TEX14: variants seen among roughly 807,000 people sequenced by gnomAD.
The protein encoded by TEX14 is testis expressed 14, intercellular bridge forming factor, also known as inactive serine/threonine-protein kinase TEX14.
In TEX14, 168 loss-of-function variants were observed where a neutral mutation model predicts 178.6. The observed-to-expected ratio is 0.94, with a 90% confidence interval of 0.83 to 1.07. TEX14 has a LOEUF of 1.07. Among genes scored for constraint, TEX14 ranks in the 50% least tolerant of loss-of-function variants. The probability of loss-of-function intolerance (pLI) is 0.00; values close to 1 mark genes in which losing one functional copy is unlikely to be tolerated. For missense variants in TEX14, 1,730 were observed against 1,753.6 expected (o/e 0.99, Z 0.24); for synonymous variants, 626 against 634.1 (o/e 0.99, Z 0.19).
chr17:58,668,567 T>C (rs1362785788), intron 1 of TEX14, among the ~76,000 whole-genome samples: 1 of 152,186 alleles, frequency 6.6e-6, no homozygotes, highest in Non-Finnish European at 1.5e-5. Flanking sequence ...CACTCAACAA[T>C]TCTACAGAGT....
At chr17:58,646,159 A>G (rs2046702356) in intron 2 of TEX14, among the ~76,000 whole-genome samples, 1 of 152,246 alleles carries the variant, frequency 6.6e-6, no homozygotes, top group African/African-American at 2.4e-5. Flanking sequence ...CACTGAAAAA[A>G]CAATGTAAAG....
intron 3 of TEX14, among the ~76,000 whole-genome samples, chr17:58,627,913 CTTTTTTT>C (rs1172697593): frequency 1.3e-5 from 1 of 75,674 alleles, no homozygotes; most frequent in African/African-American, 5.4e-5. Context: ...CCCATGCCAC[CTTTTTTT>C]TTTTTTTTTT....
chr17:58,660,920 C>G (rs1306648052), intron 1 of TEX14: 1 of 897,694 alleles, frequency 1.1e-6, no homozygotes, highest in Non-Finnish European at 1.9e-6. Context: ...GGATGCCTCT[C>G]TTGAAGAGTC....
chr17:58,587,635 AG>A lies in TEX14; in HGVS notation c.2733del (p.Tyr912IlefsTer15). 3 of 1,606,842 alleles carry A rather than the reference AG, an allele frequency of 1.9e-6. No homozygotes were observed. The highest frequency in any genetic ancestry group is 2.5e-6 in the Non-Finnish European group (3 of 1,177,848). ...RMSVEPVSSE[I>X]YNAESRNKDD... ...TCTTTATTTCTGGACTCTGCATTAT[AG>A]ATTTCAGAAGAAACAGGTTCCACAC... On this transcript the variant is annotated frameshift_variant, in exon 17 of 32. Coordinates refer to ENST00000349033, the MANE Select transcript of TEX14 (RefSeq NM_031272.5). LOFTEE classifies it high-confidence loss of function.
intron 6 of TEX14, among the ~76,000 whole-genome samples, chr17:58,616,617 C>T (rs546001838): frequency 1.3e-4 from 20 of 151,872 alleles, no homozygotes; most frequent in Admixed American, 2.6e-4. Flanking sequence ...TAAATAGAGA[C>T]GGGCTTTTGC....
intron 15 of TEX14, among the ~76,000 whole-genome samples, chr17:58,592,699 C>T (rs965526131): frequency 4.6e-5 from 7 of 151,576 alleles, no homozygotes; most frequent in South Asian, 4.2e-4. Context: ...CCACCACGCC[C>T]GGCTAATTTA....
intron 1 of TEX14, 88 bp from the exon 2 acceptor site, chr17:58,652,090 C>A: frequency 1.0e-6 from 1 of 996,560 alleles, no homozygotes; most frequent in Middle Eastern, 2.2e-4. Context: ...GAAACCTGTC[C>A]AGCCACCTTC....
At chr17:58,689,068 C>G (rs1281112461) in intron 1 of TEX14, among the ~76,000 whole-genome samples, 1 of 151,874 alleles carries the variant, frequency 6.6e-6, no homozygotes, top group Admixed American at 6.6e-5. Context: ...GTAGCTGGGA[C>G]TACAGGTGCC....
intron 21 of TEX14, among the ~76,000 whole-genome samples, chr17:58,574,702 G>C (rs918959646): frequency 2.7e-5 from 2 of 73,800 alleles, no homozygotes; most frequent in African/African-American, 5.6e-5. Context: ...AAAAAAAAAA[G>C]TGTGAGTTCT....
rs1347097808 is a variant in TEX14, at chr17:58,640,649, G to GAA, written c.137-10096_137-10095insTT. Among the ~76,000 whole-genome samples the GAA allele has an allele frequency of 6.6e-5, 10 of 151,938 alleles. 1 individual carries two copies. The highest frequency in any genetic ancestry group is 1.7e-4 in the African/African-American group (7 of 41,376). On this transcript the variant is annotated intron_variant, in intron 2 of 31. Transcript: ENST00000349033. Reference sequence around the variant, plus strand: ...TGTGTGTGTGTGTGTGTGTGTGAGAGAGAGAGAGAGAATGATAAATAATGA... The same window carrying GAA: ...TGTGTGTGTGTGTGTGTGTGTGAGAGAAAGAGAGAGAGAATGATAAATAATGA...
intron 9 of TEX14, 51 bp downstream of exon 9, chr17:58,613,370 G>A (rs750957082): frequency 1.2e-6 from 2 of 1,611,290 alleles, no homozygotes; most frequent in South Asian, 2.2e-5. Flanking sequence ...GGGTGAGGAG[G>A]GAAGAAACTG....
At chr17:58,661,145 G>C in intron 1 of TEX14, 1 of 831,568 alleles carries the variant, frequency 1.2e-6, no homozygotes, top group East Asian at 2.4e-5. Flanking sequence ...AGATGCCATA[G>C]CAACGAGGCT....
rs781119746 is a variant in TEX14 at position 58,617,617 on chromosome 17, T to C, written c.557A>G (p.Asn186Ser). 26 of 1,608,656 alleles carry C rather than the reference T, an allele frequency of 1.6e-5. No individual in the cohort carries two copies. In the South Asian group the frequency reaches 2.5e-4, roughly 16 times the overall value. Residue 186 changes from asparagine to serine, a missense_variant and splice_region_variant, in exon 6 of 32, where the codon AAC (asparagine) becomes AGC (serine). Around this residue, in one of 2 missense-constraint regions of TEX14, gnomAD observed 789 missense variants for 681.2 expected, o/e 1.16. Coordinates refer to ENST00000349033, the MANE Select transcript of TEX14 (RefSeq NM_031272.5). ...PSWCGGLVQG[N>S]PNGSPNRLLK... ...CAGTCGGTTAGGAGAGCCATTAGGG[T>C]TTCTAGAAATATTTAAAACAGGAAA...
At chr17:58,629,039 C>T (rs1006425029) in intron 3 of TEX14, among the ~76,000 whole-genome samples, 10 of 152,188 alleles carry the variant, frequency 6.6e-5, no homozygotes, top group African/African-American at 2.4e-4. Flanking sequence ...GTGCCCAAAA[C>T]CCCAGTTTCT....
chr17:58,682,619 C>G (rs1322268541), intron 1 of TEX14, among the ~76,000 whole-genome samples: 3 of 152,088 alleles, frequency 2.0e-5, no homozygotes, highest in Non-Finnish European at 4.4e-5. Context: ...ATTTACAGGC[C>G]CACCTCAGCT....
At chr17:58,640,316 A>AG (rs1195454552) in intron 2 of TEX14, among the ~76,000 whole-genome samples, 1 of 151,984 alleles carries the variant, frequency 6.6e-6, no homozygotes, top group Non-Finnish European at 1.5e-5. Context: ...AAAAAAAAAA[A>AG]AAAGGTATTA....
intron 21 of TEX14, among the ~76,000 whole-genome samples, chr17:58,575,878 CCTGA>C (rs1368680835): frequency 6.6e-6 from 1 of 152,174 alleles, no homozygotes; most frequent in Non-Finnish European, 1.5e-5. Flanking sequence ...TCTAGTCTAT[CCTGA>C]CTGACTAGCT....
chr17:58,631,822 T>C (rs1041180835), intron 2 of TEX14: 7 of 148,824 alleles, frequency 4.7e-5, no homozygotes, highest in Admixed American at 2.6e-4. Flanking sequence ...AAATTATCCC[T>C]CAAAATATAG....
At chr17:58,662,431 A>G (rs927267170) in intron 1 of TEX14, among the ~76,000 whole-genome samples, 2 of 151,174 alleles carry the variant, frequency 1.3e-5, no homozygotes, top group African/African-American at 4.8e-5. Flanking sequence ...ACACACACAC[A>G]CACACACACA....
Sources: gnomAD v4.1 joint callset for allele counts (sites outside exome capture counted in the v4.1 genomes callset) on GRCh38, gnomAD v4.1.1 for gene constraint, gnomAD v4.1.1 regional missense constraint, MANE v1.5 for transcripts, NCBI Gene and HGNC (gene_info 2026-07-23, HGNC 2026-07-21) for gene names.